The following SPATS2 variants were observed in gnomAD, a reference collection of about 807,000 sequenced individuals.
The protein encoded by SPATS2 is spermatogenesis-associated serine-rich protein 2.
Under a neutral mutation model 63.7 loss-of-function variants are expected in SPATS2, and 38 were observed. That is an observed-to-expected ratio of 0.60 (90% CI 0.46 to 0.78). The LOEUF is 0.78. Among genes scored for constraint, SPATS2 ranks in the 30% least tolerant of loss-of-function variants. The pLI, the probability that SPATS2 is intolerant of heterozygous loss-of-function variation, is 0.00. For synonymous variants in SPATS2, 207 were observed against 232.9 expected (o/e 0.89, Z 1.01); for missense variants, 588 against 666.2 (o/e 0.88, Z 1.29).
chr12:49,449,588 T>A (rs917363346), intron 2 of SPATS2, among the ~76,000 whole-genome samples: 34 of 152,292 alleles, frequency 2.2e-4, no homozygotes, highest in African/African-American at 7.9e-4. Context: ...CTGGGTAATT[T>A]ATAAAGGAAA....
intron 2 of SPATS2, chr12:49,389,678 G>C: frequency 1.3e-6 from 2 of 1,483,264 alleles, no homozygotes; most frequent in Non-Finnish European, 1.9e-6. Flanking sequence ...AGAGCTTAAT[G>C]AAGTCGCAAG....
intron 2 of SPATS2, among the ~76,000 whole-genome samples, chr12:49,379,063 ATGTG>A: frequency 1.3e-5 from 2 of 151,596 alleles, no homozygotes; most frequent in Non-Finnish European, 1.5e-5. Context: ...GATTACAGGC[ATGTG>A]CCACCATGCC....
chr12:49,516,841 T>C (rs567195705), intron 10 of SPATS2, among the ~76,000 whole-genome samples: 68 of 152,386 alleles, frequency 4.5e-4, no homozygotes, highest in African/African-American at 1.6e-3. Flanking sequence ...CTCAAAGTTT[T>C]ACTTAACTTC....
At chr12:49,514,705 C>A in intron 10 of SPATS2, 92 bp downstream of exon 10, 2 of 1,106,158 alleles carry the variant, frequency 1.8e-6, no homozygotes, top group Admixed American at 2.2e-5. Flanking sequence ...CATATAAATA[C>A]CATAATAAGA....
intron 2 of SPATS2, among the ~76,000 whole-genome samples, chr12:49,435,726 G>A (rs989435629): frequency 2.0e-5 from 3 of 150,432 alleles, no homozygotes; most frequent in Admixed American, 6.7e-5. Flanking sequence ...GGACAATAGC[G>A]GAGGGAAGGT....
chr12:49,406,144 A>G (rs1944691899), intron 2 of SPATS2, among the ~76,000 whole-genome samples: 1 of 152,110 alleles, frequency 6.6e-6, no homozygotes, highest in Non-Finnish European at 1.5e-5. Context: ...CATGCTGGTA[A>G]TCCCAGCTAC....
intron 2 of SPATS2, among the ~76,000 whole-genome samples, chr12:49,403,594 T>TACACACACACACACAC (rs5798102): frequency 2.3e-5 from 3 of 128,418 alleles, no homozygotes; most frequent in Non-Finnish European, 3.3e-5. Flanking sequence ...TGCCACTGTC[T>TACACACACACACACAC]ACACACACAC....
chr12:49,488,561 G>A (rs142955136), intron 4 of SPATS2, among the ~76,000 whole-genome samples: 8 of 152,060 alleles, frequency 5.3e-5, no homozygotes, highest in African/African-American at 1.9e-4. Flanking sequence ...AGGAGGCTGG[G>A]GCACGAGAAT....
chr12:49,451,131 C>CA (rs1479808643), intron 2 of SPATS2, among the ~76,000 whole-genome samples: 1 of 152,174 alleles, frequency 6.6e-6, no homozygotes, highest in African/African-American at 2.4e-5. Flanking sequence ...CTCAGCCTCC[C>CA]AAAGTGCTGG....
At chr12:49,394,398 G>A (rs1944473768) in intron 2 of SPATS2, among the ~76,000 whole-genome samples, 1 of 151,630 alleles carries the variant, frequency 6.6e-6, no homozygotes, top group Admixed American at 6.6e-5. Flanking sequence ...AGTCTGCTGG[G>A]ATTTTGATTG....
At chr12:49,470,951 A>G (rs1263107886) in intron 3 of SPATS2, among the ~76,000 whole-genome samples, 1 of 152,218 alleles carries the variant, frequency 6.6e-6, no homozygotes, top group Non-Finnish European at 1.5e-5. Flanking sequence ...AAAAACTTTG[A>G]AGGTAAATAA....
At chr12:49,438,228 TGAC>T (rs1192783855) in intron 2 of SPATS2, among the ~76,000 whole-genome samples, 3 of 152,250 alleles carry the variant, frequency 2.0e-5, no homozygotes, top group African/African-American at 7.2e-5. Context: ...TCTTTGGGTC[TGAC>T]TTCTTTGTTT....
At chr12:49,467,009 T>C (rs921593447) in intron 3 of SPATS2, among the ~76,000 whole-genome samples, 3 of 151,768 alleles carry the variant, frequency 2.0e-5, no homozygotes, top group African/African-American at 7.3e-5. Flanking sequence ...ACTCTTGCAT[T>C]TTTCTTAAGT....
At chr12:49,493,480 C>T (rs1033048907) in intron 6 of SPATS2, among the ~76,000 whole-genome samples, 3 of 151,560 alleles carry the variant, frequency 2.0e-5, no homozygotes, top group Non-Finnish European at 4.4e-5. Flanking sequence ...CAGCTCACTG[C>T]ACCCTCCACC....
At chr12:49,470,756 TGAG>T (rs148775797) in intron 3 of SPATS2, among the ~76,000 whole-genome samples, 4,421 of 152,264 alleles carry the variant, frequency 0.029, 87 homozygotes, top group Middle Eastern at 0.078. Context: ...ATGATCTTCT[TGAG>T]GAGCAATCAG....
intron 9 of SPATS2, among the ~76,000 whole-genome samples, chr12:49,509,826 A>AG (rs1565757494): frequency 2.0e-5 from 3 of 150,532 alleles, no homozygotes; most frequent in Admixed American, 1.3e-4. Context: ...AAAAAAAAAA[A>AG]GGGAAGGAAA....
chr12:49,411,599 T>C (rs927429549), intron 2 of SPATS2, among the ~76,000 whole-genome samples: 1 of 152,192 alleles, frequency 6.6e-6, no homozygotes, highest in Non-Finnish European at 1.5e-5. Context: ...CTTTAAAATT[T>C]CTTCTCAAAC....
chr12:49,453,885 C>T (rs564383263), intron 2 of SPATS2, among the ~76,000 whole-genome samples: 87 of 88,448 alleles, frequency 9.8e-4, no homozygotes, highest in South Asian at 8.8e-3. Flanking sequence ...TTTTTTGAGA[C>T]GGAGTCTTGC....
chr12:49,386,759 T>C (rs1369717148), intron 2 of SPATS2, among the ~76,000 whole-genome samples: 1 of 152,090 alleles, frequency 6.6e-6, no homozygotes, highest in African/African-American at 2.4e-5. Flanking sequence ...CAGAAGCTGC[T>C]GGAGTTTGGG....
Sources: gnomAD v4.1 joint callset for allele counts (sites outside exome capture counted in the v4.1 genomes callset) on GRCh38, gnomAD v4.1.1 for gene constraint, MANE v1.5 for transcripts, NCBI Gene and HGNC (gene_info 2026-07-23, HGNC 2026-07-21) for gene names.